The following PPP1R12B variants were observed in gnomAD, a reference collection of about 807,000 sequenced individuals.
PPP1R12B encodes the protein myosin phosphatase target subunit 2.
A neutral mutation model predicts 126.1 loss-of-function variants in PPP1R12B; 76 were observed. The ratio of observed to expected loss-of-function variants is 0.60; its 90% CI spans 0.50 to 0.73. The LOEUF (loss-of-function observed/expected upper bound fraction) is 0.73. PPP1R12B is among the 30% of genes least tolerant of loss of function. The pLI is 0.00. For missense variants in PPP1R12B, 1,052 were observed against 1,205.1 expected, an observed-to-expected ratio of 0.87 and a Z score of 1.88; for synonymous variants, 356 against 434.7, an observed-to-expected ratio of 0.82 and a Z score of 2.25.
chr1:202,495,533 A>T (rs756655730), intron 16 of PPP1R12B, 37 bp from the exon 17 acceptor site: 1 of 1,611,678 alleles, frequency 6.2e-7, no homozygotes, highest in South Asian at 1.1e-5. Context: ...ACATCCCCAG[A>T]TTCTTAAAGT....
chr1:202,363,075 C>T (rs1231322799), intron 1 of PPP1R12B, among the ~76,000 whole-genome samples: 1 of 152,176 alleles, frequency 6.6e-6, no homozygotes, highest in East Asian at 1.9e-4. Flanking sequence ...CTCAAGTGAT[C>T]CACCCATCTT....
rs1318944802 is a variant in PPP1R12B at position 202,544,746 on chromosome 1, T to A, written c.2491-14131T>A. ...ACAAAAACAAAAAAATACAAAGATGTTACATAATATTTTTCAGTCAGCCAT... is the reference window on the plus strand; with the variant it reads ...ACAAAAACAAAAAAATACAAAGATGATACATAATATTTTTCAGTCAGCCAT... On this transcript the variant is annotated intron_variant, in intron 18 of 23. Transcript: ENST00000608999. Among the ~76,000 whole-genome samples, 3 of 152,208 alleles carry A rather than the reference T, an allele frequency of 2.0e-5. No homozygotes were observed. The East Asian group carries it at 5.8e-4, about 29-fold the overall frequency.
chr1:202,439,581 C>T, intron 10 of PPP1R12B: 2 of 1,285,484 alleles, frequency 1.6e-6, no homozygotes, highest in Non-Finnish European at 2.2e-6. Flanking sequence ...ACCCAGGTGG[C>T]CGCCACCCCC....
intron 18 of PPP1R12B, among the ~76,000 whole-genome samples, chr1:202,545,051 CA>C (rs1161600484): frequency 1.3e-5 from 2 of 152,354 alleles, no homozygotes; most frequent in African/African-American, 4.8e-5. Context: ...ATACATCCAA[CA>C]CTACATCTGA....
chr1:202,547,034 T>G (rs987235771), intron 18 of PPP1R12B, among the ~76,000 whole-genome samples: 14 of 121,062 alleles, frequency 1.2e-4, no homozygotes, highest in Non-Finnish European at 1.7e-4. Context: ...TGAGTTTCAG[T>G]TCTCAAAGGA....
intron 18 of PPP1R12B, among the ~76,000 whole-genome samples, chr1:202,549,016 C>T (rs1324783813): frequency 4.0e-5 from 6 of 151,896 alleles, no homozygotes; most frequent in Non-Finnish European, 8.8e-5. Flanking sequence ...TTTTAAAATA[C>T]CTGTTCTGCT....
At chr1:202,439,527 G>C (rs1671328879) in intron 10 of PPP1R12B, 4 of 1,531,758 alleles carry the variant, frequency 2.6e-6, no homozygotes, top group African/African-American at 2.7e-5. Context: ...TGTTGCCTTG[G>C]GGGGTGTGGC....
In PPP1R12B at chr1:202,380,787, C is replaced by G. The variant is rs540767095; in HGVS notation, c.291+31645C>G. On this transcript the variant is annotated intron_variant, in intron 1 of 23. Transcript: ENST00000608999. ...ACCAAACAAATGATTGTGTATATGC[C>G]TTTTGAATTCTTCATATTTGAGTCA... 1.2e-4 allele frequency among the ~76,000 whole-genome samples: 18 copies of G among 152,188 alleles called. No individual in the cohort carries two copies. In the South Asian group the frequency reaches 3.7e-3, roughly 32 times the overall value.
intron 1 of PPP1R12B, among the ~76,000 whole-genome samples, chr1:202,355,419 A>G (rs1221005865): frequency 2.6e-5 from 4 of 152,232 alleles, no homozygotes; most frequent in Non-Finnish European, 2.9e-5. Flanking sequence ...GAAAGGATGT[A>G]TTCCTAAGTG....
chr1:202,462,120 TGAATATACTAAAA>T (rs1674384982), intron 13 of PPP1R12B, among the ~76,000 whole-genome samples: 1 of 152,176 alleles, frequency 6.6e-6, no homozygotes, highest in African/African-American at 2.4e-5. Context: ...TGCATAAATC[TGAATATACTAAAA>T]ATCTTTAAAT....
chr1:202,403,027 CTG>C lies in PPP1R12B; in HGVS notation c.292-13757_292-13756del, dbSNP rs1666075664. On this transcript the variant is annotated intron_variant, in intron 1 of 23. Coordinates refer to ENST00000608999, the MANE Select transcript of PPP1R12B (RefSeq NM_002481.4). ...CTTGTGTGGGTATATGGGGGGGTCACTGTGAACTTCTTTCAACTTTTCTGTGT... is the reference window on the plus strand; with the variant it reads ...CTTGTGTGGGTATATGGGGGGGTCACTGAACTTCTTTCAACTTTTCTGTGT... 3.9e-5 allele frequency among the ~76,000 whole-genome samples: 6 copies of C among 152,158 alleles called. No homozygotes were observed. In the South Asian group the frequency reaches 1.2e-3, roughly 32 times the overall value.
chr1:202,405,429 C>T (rs1157574762), intron 1 of PPP1R12B, among the ~76,000 whole-genome samples: 1 of 152,058 alleles, frequency 6.6e-6, no homozygotes, highest in Non-Finnish European at 1.5e-5. Context: ...TTATATAGAA[C>T]TATATTTATG....
At chr1:202,525,069 G>T (rs945460822) in intron 18 of PPP1R12B, among the ~76,000 whole-genome samples, 4 of 152,042 alleles carry the variant, frequency 2.6e-5, no homozygotes, top group African/African-American at 4.8e-5. Context: ...AGTGGAGTCG[G>T]GGTTTCACTG....
chr1:202,382,531 G>A (rs1303767652), intron 1 of PPP1R12B, among the ~76,000 whole-genome samples: 1 of 150,570 alleles, frequency 6.6e-6, no homozygotes, highest in Non-Finnish European at 1.5e-5. Context: ...GGAAAGTTTG[G>A]AAAACAAAGC....
At chr1:202,536,990 C>A (rs1684602287) in intron 18 of PPP1R12B, among the ~76,000 whole-genome samples, 2 of 152,100 alleles carry the variant, frequency 1.3e-5, no homozygotes, top group African/African-American at 4.8e-5. Context: ...TTACAGTTAA[C>A]GTTTTTATAT....
Position 202,488,563 on chromosome 1 carries a change from A to G in PPP1R12B, c.1881A>G (p.Glu627=), listed in dbSNP as rs199918677. 1 of 1,612,776 alleles carries G rather than the reference A, an allele frequency of 6.2e-7. No individual in the cohort carries two copies. The highest frequency in any genetic ancestry group is 8.5e-7 in the Non-Finnish European group (1 of 1,179,270). The change falls in exon 14 of 24, where the codon GAA becomes GAG. Residue 627 remains glutamate, a synonymous_variant. Coordinates refer to ENST00000608999, the MANE Select transcript of PPP1R12B (RefSeq NM_002481.4). ...RSYLTPVRDE[E]AESLRKARSR... ...ATCTGACTCCTGTACGGGATGAGGA[A>G]GCAGAGTCTTTACGGAAAGCACGCT...
At chr1:202,579,360 G>T (rs1011141028) in intron 23 of PPP1R12B, among the ~76,000 whole-genome samples, 6 of 152,120 alleles carry the variant, frequency 3.9e-5, no homozygotes, top group African/African-American at 1.4e-4. Flanking sequence ...CTGCCCCTGG[G>T]GTCCTATAGG....
At chr1:202,404,178 A>G (rs533800723) in intron 1 of PPP1R12B, among the ~76,000 whole-genome samples, 2 of 152,152 alleles carry the variant, frequency 1.3e-5, no homozygotes, top group South Asian at 4.1e-4. Flanking sequence ...TTTATCATGG[A>G]TGGAATATAG....
At chr1:202,516,169 A>G (rs1053459597) in intron 18 of PPP1R12B, among the ~76,000 whole-genome samples, 6 of 152,202 alleles carry the variant, frequency 3.9e-5, no homozygotes, top group Non-Finnish European at 7.3e-5. Flanking sequence ...TTATCAATAA[A>G]TCTTAGCCGC....
Sources: allele counts gnomAD v4.1 joint callset (sites outside exome capture counted in the v4.1 genomes callset), GRCh38; gene constraint gnomAD v4.1.1; transcripts MANE v1.5; gene names NCBI Gene and HGNC (gene_info 2026-07-23, HGNC 2026-07-21).